The following SCAP variants were observed in gnomAD, a reference collection of about 807,000 sequenced individuals.
SCAP encodes SREBF chaperone.
In SCAP, 65 loss-of-function variants were observed where a neutral mutation model predicts 123.6. That is an observed-to-expected ratio of 0.53 (90% CI 0.43 to 0.65). SCAP has a LOEUF of 0.65. Ranked by LOEUF, SCAP falls within the 30% of genes least tolerant of loss-of-function variation. The probability of loss-of-function intolerance (pLI) is 0.00; values close to 1 mark genes in which losing one functional copy is unlikely to be tolerated. For synonymous variants in SCAP, 740 were observed against 726.3 expected, an observed-to-expected ratio of 1.02 and a Z score of -0.30; for missense variants, 1,398 against 1,712.5, an observed-to-expected ratio of 0.82 and a Z score of 3.24.
In SCAP at chr3:47,442,898, G is replaced by A; in HGVS notation, c.96C>T (p.Phe32=). The change falls in exon 2 of 23, where the codon TTC becomes TTT. Residue 32 remains phenylalanine, a synonymous_variant. Transcript: ENST00000265565. Reference sequence around the variant, plus strand: ...AGCAGGCTAAGATGCAGAACCCTGTGAAGAGGATGATGGGGATGGGATAGG... The same window carrying A: ...AGCAGGCTAAGATGCAGAACCCTGTAAAGAGGATGATGGGGATGGGATAGG... ...CASYPIPIIL[F]TGFCILACCY... The A allele has an allele frequency of 6.2e-7, 1 of 1,614,216 alleles. No homozygotes were observed. Among genetic ancestry groups the A allele is most frequent in the Non-Finnish European group, 8.5e-7 (1 of 1,180,028 alleles).
At chr3:47,467,435 T>A (rs1044783591) in intron 1 of SCAP, among the ~76,000 whole-genome samples, 1 of 151,260 alleles carries the variant, frequency 6.6e-6, no homozygotes, top group African/African-American at 2.4e-5. Flanking sequence ...TGAAACCCCA[T>A]CTCCACAAAA....
Position 47,434,970 on chromosome 3 carries a change from C to T in SCAP, c.252+38G>A, listed in dbSNP as rs771796506. The T allele has an allele frequency of 2.7e-5, 43 of 1,613,646 alleles. No homozygotes were observed. The East Asian group carries it at 2.9e-4, about 11-fold the overall frequency. On this transcript the variant is annotated intron_variant, in intron 3 of 22. Coordinates refer to ENST00000265565, the MANE Select transcript of SCAP (RefSeq NM_012235.4). ...CCTGCCTCAGCCAGTCTCCACCCAACGCTCTGTGCTGGCCTCAGGAACATG... is the reference window on the plus strand; with the variant it reads ...CCTGCCTCAGCCAGTCTCCACCCAATGCTCTGTGCTGGCCTCAGGAACATG...
intron 1 of SCAP, among the ~76,000 whole-genome samples, chr3:47,458,947 A>G: frequency 6.6e-6 from 1 of 152,260 alleles, no homozygotes; most frequent in Non-Finnish European, 1.5e-5. Context: ...CTGGGATTAC[A>G]GGTATGTGCC....
At chr3:47,427,123 A>C in intron 6 of SCAP, 34 bp downstream of exon 6, 1 of 1,475,220 alleles carries the variant, frequency 6.8e-7, no homozygotes, top group Non-Finnish European at 9.5e-7. Context: ...CACCCAGCAG[A>C]CCAGTCAAGA....
intron 1 of SCAP, among the ~76,000 whole-genome samples, chr3:47,455,594 CAAA>C (rs544006040): frequency 4.7e-5 from 2 of 42,430 alleles, no homozygotes; most frequent in Non-Finnish European, 5.0e-5. Flanking sequence ...GACTCCACCT[CAAA>C]AAAAAAAAAA....
At chr3:47,418,045 A>T in intron 16 of SCAP, 89 bp downstream of exon 16, 2 of 783,268 alleles carry the variant, frequency 2.6e-6, no homozygotes, top group Non-Finnish European at 3.9e-6. Context: ...GATACCTCGG[A>T]GGAAGAAAGG....
chr3:47,417,261 G>C (rs112833043), intron 17 of SCAP, 43 bp downstream of exon 17: 1 of 1,612,174 alleles, frequency 6.2e-7, no homozygotes, highest in Non-Finnish European at 8.5e-7. Context: ...CACAATCCCC[G>C]GGGCGGACAG....
chr3:47,413,743 G>T lies in SCAP; in HGVS notation c.*111C>A. On this transcript the variant is annotated 3_prime_UTR_variant, in exon 23 of 23. Coordinates refer to ENST00000265565, the MANE Select transcript of SCAP (RefSeq NM_012235.4). ...TTTAAAAAAGTTTAATATTATTACA[G>T]TCAGGAGGCAGCGGCTGGAAGATAC... is the stretch of plus-strand genomic sequence containing the variant. 7.2e-7 allele frequency: 1 copy of T among 1,395,024 alleles called. No homozygotes were observed. Among genetic ancestry groups the T allele is most frequent in the Non-Finnish European group, 9.7e-7 (1 of 1,026,140 alleles). The allele number at this position is 1,395,024 out of a possible 1,614,324, so 86.4% of individuals were successfully genotyped here.
At chr3:47,427,018 G>A (rs899158777) in intron 6 of SCAP, 139 bp downstream of exon 6, 7 of 679,096 alleles carry the variant, frequency 1.0e-5, no homozygotes, top group African/African-American at 3.6e-5. Flanking sequence ...TCTGAGGGAT[G>A]TAAACATTCA....
At chr3:47,435,803 C>T (rs1210899552) in intron 2 of SCAP, among the ~76,000 whole-genome samples, 1 of 152,130 alleles carries the variant, frequency 6.6e-6, no homozygotes, top group Non-Finnish European at 1.5e-5. Context: ...AACCCCAGCA[C>T]TTTGGGAGGC....
At chr3:47,463,642 G>A (rs1452793289) in intron 1 of SCAP, among the ~76,000 whole-genome samples, 1 of 152,088 alleles carries the variant, frequency 6.6e-6, no homozygotes, top group Non-Finnish European at 1.5e-5. Flanking sequence ...AGGTTGCAGT[G>A]AGCTGAGAAT....
intron 3 of SCAP, among the ~76,000 whole-genome samples, chr3:47,429,609 G>A (rs892249149): frequency 1.3e-5 from 2 of 152,100 alleles, no homozygotes; most frequent in African/African-American, 4.8e-5. Context: ...TTGGCCTCCC[G>A]AAGTGCCACA....
chr3:47,443,278 T>A (rs867612235), intron 1 of SCAP, 187 bp from the exon 2 acceptor site: 108 of 79,792 alleles, frequency 1.4e-3, no homozygotes, highest in African/African-American at 6.0e-3. Flanking sequence ...ACACACACAC[T>A]CTCTCTCTCT....
chr3:47,467,626 A>C (rs974932105), intron 1 of SCAP, among the ~76,000 whole-genome samples: 2 of 152,070 alleles, frequency 1.3e-5, no homozygotes, highest in Non-Finnish European at 1.5e-5. Context: ...AGAAAAAAAA[A>C]CCCAAACAAC....
At position 47,418,268 on chromosome 3, in the gene SCAP, G is replaced by C. The variant is rs773611737; in HGVS notation, c.2332-19C>G. 1.9e-6 allele frequency: 3 copies of C among 1,557,112 alleles called. No homozygotes were observed. The East Asian group carries it at 7.2e-5, about 38-fold the overall frequency. On this transcript the variant is annotated intron_variant, in intron 15 of 22. Coordinates refer to ENST00000265565, the MANE Select transcript of SCAP (RefSeq NM_012235.4). ...CGATGTCCTGCAGAAGCCCGGTGTT[G>C]GTATGGGCCAGGCTCCGGCCCTCCC...
At chr3:47,468,449 T>G (rs1165976335) in intron 1 of SCAP, among the ~76,000 whole-genome samples, 1 of 152,212 alleles carries the variant, frequency 6.6e-6, no homozygotes, top group Non-Finnish European at 1.5e-5. Context: ...GGTTTTGATT[T>G]GCATTTCTCT....
chr3:47,458,856 C>T (rs971944598), intron 1 of SCAP, among the ~76,000 whole-genome samples: 3 of 152,306 alleles, frequency 2.0e-5, no homozygotes, highest in Non-Finnish European at 2.9e-5. Flanking sequence ...CCCAGGCTGA[C>T]GTGCAACGGC....
chr3:47,416,809 G>C (rs1490492559), intron 18 of SCAP, among the ~76,000 whole-genome samples: 8 of 150,508 alleles, frequency 5.3e-5, no homozygotes, highest in African/African-American at 2.0e-4. Flanking sequence ...TGTATTTTTA[G>C]TAGAGACGGG....
At chr3:47,467,211 T>A (rs1275094745) in intron 1 of SCAP, among the ~76,000 whole-genome samples, 2 of 152,080 alleles carry the variant, frequency 1.3e-5, no homozygotes, top group Non-Finnish European at 2.9e-5. Flanking sequence ...AAGGGTTTAA[T>A]ATCCAGAATT....
Sources: allele counts gnomAD v4.1 joint callset (sites outside exome capture counted in the v4.1 genomes callset), GRCh38; gene constraint gnomAD v4.1.1; transcripts MANE v1.5; gene names NCBI Gene and HGNC (gene_info 2026-07-23, HGNC 2026-07-21).